Variants in ZNF684 observed in about 807,000 individuals in gnomAD.
The protein encoded by ZNF684 is hypothetical protein MGC27466.
A neutral mutation model predicts 12.8 loss-of-function variants in ZNF684; 13 were observed. The observed-to-expected ratio is 1.02, with a 90% CI of 0.66 to 1.62. The LOEUF is 1.62. Ranked by LOEUF, ZNF684 falls within the 40% of genes most tolerant of loss-of-function variation. The pLI is 0.00. For missense variants in ZNF684, 384 were observed against 446.9 expected (o/e 0.86, Z 1.27); for synonymous variants, 118 against 151.8 (o/e 0.78, Z 1.64).
chr1:40,545,915 CTTTTTTTTTTTTT>C (rs55993619), intron 4 of ZNF684, among the ~76,000 whole-genome samples: 4 of 67,906 alleles, frequency 5.9e-5, no homozygotes, highest in East Asian at 7.0e-4. Context: ...GTCTCCTTTT[CTTTTTTTTTTTTT>C]TTTTTTTTTT....
Position 40,541,716 on chromosome 1 carries a change from T to G in ZNF684, c.238+6T>G. 1 of 1,610,200 alleles carries G rather than the reference T, an allele frequency of 6.2e-7. No homozygotes were observed. The highest frequency in any genetic ancestry group is 8.5e-7 in the Non-Finnish European group (1 of 1,177,638). On this transcript the variant is annotated splice_donor_region_variant and intron_variant, in intron 4 of 4. Transcript: ENST00000372699. ...TCCACACGAGAGCTCTCCAGGTGAG[T>G]GAGAGAAATTCAGATGGGGCTGTGT... is the stretch of plus-strand genomic sequence containing the variant.
intron 2 of ZNF684, among the ~76,000 whole-genome samples, chr1:40,535,644 A>T (rs1458689730): frequency 6.6e-6 from 1 of 151,894 alleles, no homozygotes; most frequent in Admixed American, 6.6e-5. Flanking sequence ...ACTTGCAAAG[A>T]TTATTTTAAT....
intron 1 of ZNF684, 89 bp from the exon 2 acceptor site, chr1:40,533,054 C>T: frequency 9.2e-7 from 1 of 1,087,630 alleles, no homozygotes; most frequent in Non-Finnish European, 1.4e-6. Context: ...AGTGTGGGTA[C>T]TTATGGTCTG....
intron 3 of ZNF684, 185 bp from the exon 4 acceptor site, chr1:40,541,430 G>C (rs550047169): frequency 2.3e-6 from 1 of 443,784 alleles, no homozygotes; most frequent in Non-Finnish European, 4.4e-6. Flanking sequence ...TGATCCGCCC[G>C]CCTCAGCCTT....
Position 40,546,776 on chromosome 1 carries a change from A to G in ZNF684, c.453A>G (p.Arg151=). ...PPNLDLLKYN[R]SYTVENAYEC... Reference sequence around the variant, plus strand: ...ATTTAGACTTACTTAAATATAATAGAAGTTATACTGTAGAAAACGCTTATG... The same window carrying G: ...ATTTAGACTTACTTAAATATAATAGGAGTTATACTGTAGAAAACGCTTATG... The change falls in exon 5 of 5, where the codon AGA becomes AGG. Residue 151 remains arginine (R), a synonymous_variant. Transcript: ENST00000372699. The G allele has an allele frequency of 6.2e-7, 1 of 1,611,992 alleles. No homozygotes were observed. Among genetic ancestry groups the G allele is most frequent in the Non-Finnish European group, 8.5e-7 (1 of 1,179,496 alleles).
At chr1:40,544,451 A>G in intron 4 of ZNF684, 1 of 402,820 alleles carries the variant, frequency 2.5e-6, no homozygotes, top group Non-Finnish European at 5.0e-6. Flanking sequence ...GCTCGGGTTC[A>G]AGTGATTCTC....
intron 2 of ZNF684, among the ~76,000 whole-genome samples, chr1:40,537,768 C>T (rs1424871820): frequency 6.6e-6 from 1 of 152,010 alleles, no homozygotes; most frequent in Admixed American, 6.6e-5. Flanking sequence ...CAATTGTATA[C>T]AATTCAGTGG....
In ZNF684 at chr1:40,535,757, T is replaced by C. The variant is rs1570106216; in HGVS notation, c.15+2576T>C. Reference sequence around the variant, plus strand: ...CCAGTTTAGAGAATTTTCAGTGCATTTCCCAGTACTGAACTATCTATACAT... The same window carrying C: ...CCAGTTTAGAGAATTTTCAGTGCATCTCCCAGTACTGAACTATCTATACAT... On this transcript the variant is annotated intron_variant, in intron 2 of 4. Transcript: ENST00000372699. Among the ~76,000 whole-genome samples, 3 of 152,290 alleles carry C rather than the reference T, an allele frequency of 2.0e-5. No individual in the cohort carries two copies. In the South Asian group the frequency reaches 6.2e-4, roughly 32 times the overall value.
intron 4 of ZNF684, among the ~76,000 whole-genome samples, chr1:40,543,439 G>A (rs1350963871): frequency 6.8e-6 from 1 of 147,088 alleles, no homozygotes; most frequent in Non-Finnish European, 1.5e-5. Flanking sequence ...CCTTTTTAAT[G>A]TCCACTATAT....
intron 2 of ZNF684, 147 bp from the exon 3 acceptor site, chr1:40,540,439 T>C: frequency 1.2e-6 from 1 of 835,246 alleles, no homozygotes; most frequent in Non-Finnish European, 1.8e-6. Flanking sequence ...TCACAAAGCA[T>C]ATTTCCGAAT....
At chr1:40,541,536 C>A in intron 3 of ZNF684, 79 bp from the exon 4 acceptor site, 2 of 1,138,426 alleles carry the variant, frequency 1.8e-6, no homozygotes, top group South Asian at 2.6e-5. Flanking sequence ...TCCTGAGACT[C>A]AAGGAGGTAA....
chr1:40,547,577 A>C lies in ZNF684; in HGVS notation c.*117A>C. ...AATGAATTTGGAAGAGTAGATTCCC[A>C]TAAAAAACAACCAATGCCAATCATG... is the stretch of plus-strand genomic sequence containing the variant. On this transcript the variant is annotated 3_prime_UTR_variant, in exon 5 of 5. Transcript: ENST00000372699. 2.1e-6 allele frequency: 2 copies of C among 973,492 alleles called. No homozygotes were observed. Among genetic ancestry groups the C allele is most frequent in the Non-Finnish European group, 2.9e-6 (2 of 695,816 alleles). The allele number at this position is 973,492 out of a possible 1,614,324, so 60.3% of individuals were successfully genotyped here. A position where few individuals can be genotyped will look rare whatever the true frequency, so the allele number is the denominator to read the frequency against.
chr1:40,536,727 T>C (rs1303521002), intron 2 of ZNF684, among the ~76,000 whole-genome samples: 69 of 138,290 alleles, frequency 5.0e-4, no homozygotes, highest in South Asian at 7.1e-4. Flanking sequence ...TGTGTTCTCA[T>C]TGTTCATTTC....
chr1:40,547,532 G>T lies in ZNF684; in HGVS notation c.*72G>T. On this transcript the variant is annotated 3_prime_UTR_variant, in exon 5 of 5. Transcript: ENST00000372699. ...TCTTATTAAATACTAAAGAATTCATGGTGAGAAGTCTACAATTTAAATGAA... is the reference window on the plus strand; with the variant it reads ...TCTTATTAAATACTAAAGAATTCATTGTGAGAAGTCTACAATTTAAATGAA... 2 of 1,322,364 alleles carry T rather than the reference G, an allele frequency of 1.5e-6. No homozygotes were observed. Among genetic ancestry groups the T allele is most frequent in the Non-Finnish European group, 2.0e-6 (2 of 992,976 alleles). 81.9% of individuals were successfully genotyped at this position (1,322,364 alleles called of 1,614,324 possible). A position where few individuals can be genotyped will look rare whatever the true frequency, so the allele number is the denominator to read the frequency against.
rs1183251375 is a variant in ZNF684 at position 40,536,593 on chromosome 1, A to G, written c.15+3412A>G. Among the ~76,000 whole-genome samples, 4 of 146,620 alleles carry G rather than the reference A, an allele frequency of 2.7e-5. No individual in the cohort carries two copies. In the East Asian group the frequency reaches 8.0e-4, roughly 29 times the overall value. On this transcript the variant is annotated intron_variant, in intron 2 of 4. Transcript: ENST00000372699. ...TTAGTTACATATGTATACATGTGCC[A>G]TGCTGGTGCGCTACACCCACTAACT...
At chr1:40,543,545 C>T (rs537885455) in intron 4 of ZNF684, among the ~76,000 whole-genome samples, 5 of 151,942 alleles carry the variant, frequency 3.3e-5, no homozygotes, top group African/African-American at 1.2e-4. Flanking sequence ...CAAGCTCCGC[C>T]TCCCGGGTTC....
In ZNF684 at chr1:40,541,618, G is replaced by A. The variant is rs977846457; in HGVS notation, c.146G>A (p.Cys49Tyr). Residue 49 changes from cysteine to tyrosine, a missense_variant, in exon 4 of 5, where the codon TGT becomes TAT. Transcript: ENST00000372699. ...ENYRNLISVG[C>Y]PITKTKVILK... Reference sequence around the variant, plus strand: ...TATGCTGTTTTCCCACCAACAGGATGTCCAATTACCAAAACAAAAGTGATC... The same window carrying A: ...TATGCTGTTTTCCCACCAACAGGATATCCAATTACCAAAACAAAAGTGATC... 19 of 1,612,470 alleles carry A rather than the reference G, an allele frequency of 1.2e-5. No homozygotes were observed. Among genetic ancestry groups the A allele is most frequent in the Non-Finnish European group, 1.5e-5 (18 of 1,179,086 alleles).
chr1:40,536,098 A>G (rs895094056), intron 2 of ZNF684, among the ~76,000 whole-genome samples: 59 of 152,310 alleles, frequency 3.9e-4, no homozygotes, highest in African/African-American at 1.3e-3. Flanking sequence ...ATTATGGTTA[A>G]AAGGACATAT....
chr1:40,540,666 G>A lies in ZNF684; in HGVS notation c.96G>A (p.Leu32=). 1.2e-6 allele frequency: 2 copies of A among 1,611,922 alleles called. No homozygotes were observed. Among genetic ancestry groups the A allele is most frequent in the Non-Finnish European group, 1.7e-6 (2 of 1,178,972 alleles). The part of the protein sequence containing the change: ...WQLLDCAERT[L]YWDVMLENYR... ...TGCTTGATTGTGCTGAGAGAACCCT[G>A]TATTGGGATGTGATGTTGGAGAACT... The change falls in exon 3 of 5, where the codon CTG becomes CTA. Residue 32 remains leucine, a synonymous_variant. Transcript: ENST00000372699.
Sources: gnomAD v4.1 joint callset for allele counts (sites outside exome capture counted in the v4.1 genomes callset) on GRCh38, gnomAD v4.1.1 for gene constraint, MANE v1.5 for transcripts, NCBI Gene and HGNC (gene_info 2026-07-23, HGNC 2026-07-21) for gene names.